The following GMDS variants were observed in gnomAD, a reference collection of about 807,000 sequenced individuals.
GMDS encodes the protein GDP-mannose 4,6 dehydratase.
Under a neutral mutation model 49.9 loss-of-function variants are expected in GMDS, and 20 were observed. The ratio of observed to expected loss-of-function variants is 0.40; its 90% CI spans 0.28 to 0.58. GMDS has a LOEUF of 0.58. Ranked by LOEUF, GMDS falls within the 20% of genes least tolerant of loss-of-function variation. The pLI, the probability that GMDS is intolerant of heterozygous loss-of-function variation, is 0.42. For missense variants in GMDS, 362 were observed against 481.4 expected (o/e 0.75, Z 2.32); for synonymous variants, 177 against 178.6 (o/e 0.99, Z 0.07).
chr6:1,783,489 T>G (rs1299165309), intron 7 of GMDS, among the ~76,000 whole-genome samples: 1 of 152,130 alleles, frequency 6.6e-6, no homozygotes, highest in Non-Finnish European at 1.5e-5. Flanking sequence ...AGACAAACAC[T>G]GAAGTCAGGA....
intron 4 of GMDS, among the ~76,000 whole-genome samples, chr6:2,065,404 T>A (rs1052726342): frequency 9.2e-5 from 14 of 152,062 alleles, no homozygotes; most frequent in South Asian, 2.1e-4. Context: ...TCACCAGCAA[T>A]GGAACAAAGC....
intron 4 of GMDS, among the ~76,000 whole-genome samples, chr6:2,028,485 T>C (rs890029224): frequency 6.6e-6 from 1 of 152,194 alleles, no homozygotes; most frequent in Admixed American, 6.5e-5. Flanking sequence ...GGACACCCCA[T>C]GTAATTCTGA....
chr6:1,849,002 ACTAC>A (rs1757538473), intron 7 of GMDS, among the ~76,000 whole-genome samples: 1 of 152,166 alleles, frequency 6.6e-6, no homozygotes, highest in Non-Finnish European at 1.5e-5. Context: ...GACAGTGGCA[ACTAC>A]CTCCCTGTTC....
chr6:1,761,153 T>C (rs747836554), intron 7 of GMDS, among the ~76,000 whole-genome samples: 27 of 152,026 alleles, frequency 1.8e-4, no homozygotes, highest in Non-Finnish European at 3.7e-4. Flanking sequence ...TTCTCCAAGA[T>C]TCAGAATAAA....
chr6:2,198,980 T>C (rs1416685955), intron 1 of GMDS, among the ~76,000 whole-genome samples: 7 of 152,236 alleles, frequency 4.6e-5, no homozygotes, highest in Non-Finnish European at 7.3e-5. Flanking sequence ...TTATATCAAG[T>C]GTTTGCCATT....
intron 7 of GMDS, among the ~76,000 whole-genome samples, chr6:1,765,144 GA>G (rs950854864): frequency 7.5e-4 from 112 of 149,682 alleles, no homozygotes; most frequent in African/African-American, 1.9e-3. Flanking sequence ...AAACCAAAAA[GA>G]AAAAAAAAAT....
intron 7 of GMDS, among the ~76,000 whole-genome samples, chr6:1,849,283 C>T (rs1055821047): frequency 6.6e-6 from 1 of 152,204 alleles, no homozygotes; most frequent in Non-Finnish European, 1.5e-5. Flanking sequence ...AAAAATGCTA[C>T]ATTTCAGGAA....
At position 2,063,925 on chromosome 6, in the gene GMDS, C is replaced by A. The variant is rs542490126; in HGVS notation, c.345+51846G>T. Among the ~76,000 whole-genome samples the A allele has an allele frequency of 6.6e-4, 100 of 152,314 alleles. 2 individuals carry two copies. In the South Asian group the frequency reaches 0.019, roughly 29 times the overall value. On this transcript the variant is annotated intron_variant, in intron 4 of 10. Coordinates refer to ENST00000380815, the MANE Select transcript of GMDS (RefSeq NM_001500.4). ...CAGCAATAAATAAAACTTGTTAATG[C>A]CCCTAACACTGCTAGTCAAAAATAG...
At chr6:2,017,430 T>C (rs1433945851) in intron 4 of GMDS, among the ~76,000 whole-genome samples, 1 of 152,054 alleles carries the variant, frequency 6.6e-6, no homozygotes, top group Non-Finnish European at 1.5e-5. Context: ...TGCCTCAGCC[T>C]CCTGAGTAAC....
intron 4 of GMDS, among the ~76,000 whole-genome samples, chr6:1,970,953 T>G (rs900730445): frequency 2.7e-5 from 4 of 146,852 alleles, no homozygotes; most frequent in South Asian, 2.2e-4. Flanking sequence ...TATCCCAGAC[T>G]TAAAGAGAAA....
chr6:2,153,960 T>G (rs1261027343), intron 1 of GMDS, among the ~76,000 whole-genome samples: 1 of 152,170 alleles, frequency 6.6e-6, no homozygotes, highest in Non-Finnish European at 1.5e-5. Context: ...GAAGGGAAGA[T>G]ATAGCACTAG....
intron 4 of GMDS, among the ~76,000 whole-genome samples, chr6:2,060,362 T>G (rs1180974470): frequency 6.6e-6 from 1 of 152,246 alleles, no homozygotes; most frequent in Non-Finnish European, 1.5e-5. Flanking sequence ...AGCTTGAATA[T>G]TCATATTTTA....
intron 7 of GMDS, among the ~76,000 whole-genome samples, chr6:1,900,951 C>T (rs1260883842): frequency 6.6e-6 from 1 of 152,232 alleles, no homozygotes; most frequent in African/African-American, 2.4e-5. Context: ...CACTACCACG[C>T]AAGGGAGAAA....
At chr6:1,797,500 A>G (rs941177013) in intron 7 of GMDS, among the ~76,000 whole-genome samples, 2 of 152,248 alleles carry the variant, frequency 1.3e-5, no homozygotes, top group African/African-American at 4.8e-5. Context: ...GATTTGTACA[A>G]TGAAAAGCAC....
chr6:1,786,188 G>A (rs1489884491), intron 7 of GMDS, among the ~76,000 whole-genome samples: 1 of 152,206 alleles, frequency 6.6e-6, no homozygotes, highest in Non-Finnish European at 1.5e-5. Flanking sequence ...ATAACTCCAT[G>A]AAAATGTTTT....
intron 4 of GMDS, among the ~76,000 whole-genome samples, chr6:2,089,069 C>T (rs945147518): frequency 6.6e-6 from 1 of 152,116 alleles, no homozygotes; most frequent in Admixed American, 6.5e-5. Context: ...ACAAAAAAAA[C>T]TAATTTCTCA....
At chr6:1,884,276 C>G (rs1325197447) in intron 7 of GMDS, among the ~76,000 whole-genome samples, 1 of 152,132 alleles carries the variant, frequency 6.6e-6, no homozygotes, top group Non-Finnish European at 1.5e-5. Flanking sequence ...ACACTGCCAA[C>G]AAAGGAAAAT....
chr6:1,903,336 G>A (rs374857199), intron 7 of GMDS, among the ~76,000 whole-genome samples: 1 of 152,136 alleles, frequency 6.6e-6, no homozygotes, highest in African/African-American at 2.4e-5. Flanking sequence ...GAGAATTAAT[G>A]TTGCACATTG....
chr6:1,894,822 C>T (rs1433864109), intron 7 of GMDS, among the ~76,000 whole-genome samples: 2 of 152,100 alleles, frequency 1.3e-5, no homozygotes, highest in Non-Finnish European at 2.9e-5. Context: ...GCCCCATTGT[C>T]TATAGACACT....
Sources: allele counts gnomAD v4.1 joint callset (sites outside exome capture counted in the v4.1 genomes callset), GRCh38; gene constraint gnomAD v4.1.1; transcripts MANE v1.5; gene names NCBI Gene and HGNC (gene_info 2026-07-23, HGNC 2026-07-21).